The following LRRC4C variants were observed in gnomAD, a reference collection of about 807,000 sequenced individuals.
LRRC4C encodes leucine-rich repeat-containing protein 4C.
A neutral mutation model predicts 33.6 loss-of-function variants in LRRC4C; 5 were observed. That is an observed-to-expected ratio of 0.15 (90% CI 0.08 to 0.31). The LOEUF is 0.31. LRRC4C is among the 10% of genes least tolerant of loss of function. LRRC4C has a pLI of 1.00. For missense variants in LRRC4C, 560 were observed against 796.7 expected (o/e 0.70, Z 3.58); for synonymous variants, 329 against 302.0 (o/e 1.09, Z -0.93).
chr11:40,651,557 G>A (rs1235317762), intron 2 of LRRC4C, among the ~76,000 whole-genome samples: 1 of 152,102 alleles, frequency 6.6e-6, no homozygotes, highest in East Asian at 1.9e-4. Context: ...TCCTCTATAA[G>A]CTAGGTACCA....
At chr11:40,269,947 G>A (rs1942564589) in intron 4 of LRRC4C, among the ~76,000 whole-genome samples, 1 of 152,090 alleles carries the variant, frequency 6.6e-6, no homozygotes, top group Non-Finnish European at 1.5e-5. Flanking sequence ...AGGATAGAAG[G>A]AAGTTAGATT....
chr11:40,258,970 C>T (rs527704651), intron 4 of LRRC4C, among the ~76,000 whole-genome samples: 1 of 152,274 alleles, frequency 6.6e-6, no homozygotes, highest in East Asian at 1.9e-4. Flanking sequence ...GCATCAGAGG[C>T]TTATCATATA....
intron 1 of LRRC4C, among the ~76,000 whole-genome samples, chr11:41,107,989 GGAGAGGGGAGAGTA>G (rs1463353916): frequency 1.0e-5 from 1 of 95,346 alleles, no homozygotes; most frequent in East Asian, 3.2e-4. Context: ...AGGGGAGAGG[GGAGAGGGGAGAGTA>G]GAGAGGAGAG....
At chr11:41,361,639 A>G (rs1304211817) in intron 1 of LRRC4C, among the ~76,000 whole-genome samples, 2 of 152,232 alleles carry the variant, frequency 1.3e-5, no homozygotes, top group Admixed American at 6.5e-5. Context: ...GTACATAAAT[A>G]TCAATGCATA....
At chr11:40,686,629 G>T (rs1347305308) in intron 2 of LRRC4C, among the ~76,000 whole-genome samples, 1 of 152,084 alleles carries the variant, frequency 6.6e-6, no homozygotes, top group African/African-American at 2.4e-5. Context: ...GGGCTGGAAT[G>T]ATGAGTAGCC....
At chr11:40,308,667 G>T (rs1479367872) in intron 4 of LRRC4C, among the ~76,000 whole-genome samples, 1 of 152,116 alleles carries the variant, frequency 6.6e-6, no homozygotes, top group African/African-American at 2.4e-5. Context: ...TGGACTATAA[G>T]AAGGGAGAAA....
intron 2 of LRRC4C, among the ~76,000 whole-genome samples, chr11:40,915,487 A>G (rs1223322724): frequency 1.3e-5 from 2 of 152,210 alleles, no homozygotes; most frequent in African/African-American, 4.8e-5. Context: ...AAAACTGGCT[A>G]GCCATATGTA....
intron 1 of LRRC4C, among the ~76,000 whole-genome samples, chr11:41,291,913 T>A (rs1950004080): frequency 6.6e-6 from 1 of 152,182 alleles, no homozygotes; most frequent in Non-Finnish European, 1.5e-5. Context: ...TTATTTTGCA[T>A]CTTAGGAACA....
intron 1 of LRRC4C, among the ~76,000 whole-genome samples, chr11:41,092,733 G>A (rs1299489424): frequency 6.6e-6 from 1 of 152,144 alleles, no homozygotes; most frequent in Non-Finnish European, 1.5e-5. Flanking sequence ...ACAATATCCT[G>A]CTTTTAGTCT....
intron 1 of LRRC4C, among the ~76,000 whole-genome samples, chr11:41,382,253 A>G (rs1229364382): frequency 6.6e-6 from 1 of 152,072 alleles, no homozygotes; most frequent in Non-Finnish European, 1.5e-5. Context: ...AATTACACTG[A>G]TAGTCGGCAT....
intron 1 of LRRC4C, among the ~76,000 whole-genome samples, chr11:41,071,513 G>A (rs1262439738): frequency 6.6e-6 from 1 of 152,120 alleles, no homozygotes. Context: ...AAATGAAACA[G>A]CAAAGCCTAG....
rs148704449 is a variant in LRRC4C, at chr11:41,042,516, T to C, written c.-495-108793A>G. 3.9e-3 allele frequency among the ~76,000 whole-genome samples: 587 copies of C among 152,252 alleles called. 4 individuals carry two copies. Among genetic ancestry groups the C allele is most frequent in the African/African-American group, 0.013 (558 of 41,562 alleles). On this transcript the variant is annotated intron_variant, in intron 1 of 6. Transcript: ENST00000528697. ...AGGTGGAAAGATTAAAATTGAAGCATAATTCAATGTCTAATGCACACTTCC... is the reference window on the plus strand; with the variant it reads ...AGGTGGAAAGATTAAAATTGAAGCACAATTCAATGTCTAATGCACACTTCC...
intron 2 of LRRC4C, among the ~76,000 whole-genome samples, chr11:40,871,904 A>G (rs549652114): frequency 6.6e-6 from 1 of 152,036 alleles, no homozygotes; most frequent in Non-Finnish European, 1.5e-5. Context: ...CTTGTGTCCT[A>G]TTGTGGTGGT....
At chr11:40,844,238 TAA>T (rs58820785) in intron 2 of LRRC4C, among the ~76,000 whole-genome samples, 126 of 141,394 alleles carry the variant, frequency 8.9e-4, no homozygotes, top group African/African-American at 2.8e-3. Flanking sequence ...TAAAGTATAA[TAA>T]AAAAAAAAAA....
At chr11:41,150,355 A>G (rs1297545599) in intron 1 of LRRC4C, among the ~76,000 whole-genome samples, 1 of 152,240 alleles carries the variant, frequency 6.6e-6, no homozygotes, top group Non-Finnish European at 1.5e-5. Context: ...ATTTATTAGA[A>G]AGTGAAACAT....
At chr11:40,829,682 A>C (rs944013244) in intron 2 of LRRC4C, among the ~76,000 whole-genome samples, 3 of 152,026 alleles carry the variant, frequency 2.0e-5, no homozygotes. Context: ...AAAAAATTCT[A>C]TTCTGCTACT....
chr11:40,225,679 C>T (rs1172404421), intron 5 of LRRC4C, among the ~76,000 whole-genome samples: 13 of 150,434 alleles, frequency 8.6e-5, no homozygotes, highest in Non-Finnish European at 1.5e-4. Context: ...TGCAATGGCA[C>T]GATCTCGGCT....
rs974620164 is a variant in LRRC4C, at chr11:41,181,968, C to T, written c.-495-248245G>A. 7.9e-5 allele frequency among the ~76,000 whole-genome samples: 12 copies of T among 152,240 alleles called. No homozygotes were observed. The East Asian group carries it at 2.3e-3, about 29-fold the overall frequency. On this transcript the variant is annotated intron_variant, in intron 1 of 6. Coordinates refer to ENST00000528697, the MANE Select transcript of LRRC4C (RefSeq NM_001258419.2). ...TTACCTGAAAAACCATTCCAGCAGC[C>T]ATTAAAACTTGTCAAAGGAGTTTAC...
At chr11:40,928,837 G>C (rs1409772755) in intron 2 of LRRC4C, among the ~76,000 whole-genome samples, 1 of 151,990 alleles carries the variant, frequency 6.6e-6, no homozygotes, top group East Asian at 1.9e-4. Flanking sequence ...TTCTATGCTA[G>C]GCTTATACCA....
Sources: allele counts gnomAD v4.1 joint callset (sites outside exome capture counted in the v4.1 genomes callset), GRCh38; gene constraint gnomAD v4.1.1; transcripts MANE v1.5; gene names NCBI Gene and HGNC (gene_info 2026-07-23, HGNC 2026-07-21).